The following GPC6 variants were observed in gnomAD, a reference collection of about 807,000 sequenced individuals.
GPC6 encodes the protein glypican-6.
GPC6 carries 14 observed loss-of-function variants against 55.2 expected under a neutral mutation model. The observed-to-expected ratio is 0.25, with a 90% confidence interval of 0.17 to 0.40. The LOEUF is 0.40. GPC6 is among the 10% of genes least tolerant of loss of function. GPC6 has a pLI of 1.00. For synonymous variants in GPC6, 278 were observed against 259.6 expected (o/e 1.07, Z -0.68); for missense variants, 641 against 708.5 (o/e 0.90, Z 1.08).
intron 2 of GPC6, among the ~76,000 whole-genome samples, chr13:93,775,929 G>A (rs1023241118): frequency 6.6e-6 from 1 of 152,114 alleles, no homozygotes; most frequent in African/African-American, 2.4e-5. Context: ...GACCGTTTTT[G>A]TAAGAAAATG....
In GPC6 at chr13:93,940,831, A is replaced by T. The variant is rs182300777; in HGVS notation, c.712-86898A>T. ...AAATATTTATGGAGGAAATAAGAAG[A>T]TGCCTGAGATTTGCTTTAAAATAAT... On this transcript the variant is annotated intron_variant, in intron 3 of 8. Transcript: ENST00000377047. Among the ~76,000 whole-genome samples, 9 of 152,286 alleles carry T rather than the reference A, an allele frequency of 5.9e-5. No individual in the cohort carries two copies. In the East Asian group the frequency reaches 1.7e-3, roughly 29 times the overall value.
intron 6 of GPC6, among the ~76,000 whole-genome samples, chr13:94,359,169 T>C (rs1205289235): frequency 6.6e-6 from 1 of 152,186 alleles, no homozygotes; most frequent in Non-Finnish European, 1.5e-5. Context: ...AAGAAGCAAA[T>C]TGAAAATGCA....
intron 3 of GPC6, among the ~76,000 whole-genome samples, chr13:93,968,916 G>C (rs1455954155): frequency 6.6e-6 from 1 of 152,124 alleles, no homozygotes; most frequent in Non-Finnish European, 1.5e-5. Context: ...AGAAATTTTT[G>C]ATGCTAGATG....
intron 1 of GPC6, among the ~76,000 whole-genome samples, chr13:93,423,368 G>T (rs1168583634): frequency 6.6e-6 from 1 of 152,094 alleles, no homozygotes; most frequent in Non-Finnish European, 1.5e-5. Context: ...GTTTATAAAA[G>T]AAAAAGTCAA....
intron 4 of GPC6, among the ~76,000 whole-genome samples, chr13:94,139,554 C>T (rs117427433): frequency 1.3e-5 from 2 of 152,110 alleles, no homozygotes; most frequent in East Asian, 3.9e-4. Context: ...CATCTAAAGA[C>T]TTGCCTTTAT....
At chr13:94,298,718 C>T (rs1461787482) in intron 5 of GPC6, among the ~76,000 whole-genome samples, 1 of 152,178 alleles carries the variant, frequency 6.6e-6, no homozygotes, top group African/African-American at 2.4e-5. Context: ...CAAAGTTGTC[C>T]ATTTGGCTTT....
intron 2 of GPC6, among the ~76,000 whole-genome samples, chr13:93,824,067 C>G (rs560666530): frequency 7.2e-5 from 11 of 152,080 alleles, no homozygotes; most frequent in Non-Finnish European, 1.5e-4. Flanking sequence ...TAATTTCAAC[C>G]TCAAAATCTA....
intron 3 of GPC6, among the ~76,000 whole-genome samples, chr13:93,933,331 G>C (rs547737422): frequency 4.0e-4 from 61 of 152,188 alleles, no homozygotes; most frequent in African/African-American, 1.4e-3. Flanking sequence ...ACAATGCTGG[G>C]ATAGGCTCCT....
At chr13:93,386,098 T>TA (rs34852109) in intron 1 of GPC6, among the ~76,000 whole-genome samples, 49,257 of 127,394 alleles carry the variant, frequency 0.39, 9,934 homozygotes, top group East Asian at 0.88. Context: ...ACCACTTTGT[T>TA]AAAAAAAAAA....
chr13:94,340,829 G>A (rs992342144), intron 6 of GPC6, among the ~76,000 whole-genome samples: 2 of 152,142 alleles, frequency 1.3e-5, no homozygotes, highest in African/African-American at 2.4e-5. Context: ...TTTGCTGCAC[G>A]GGAATATTTA....
chr13:93,963,631 T>A (rs927296741), intron 3 of GPC6, among the ~76,000 whole-genome samples: 1 of 152,226 alleles, frequency 6.6e-6, no homozygotes, highest in Non-Finnish European at 1.5e-5. Flanking sequence ...CTAAATGGCG[T>A]ATGTTTGTCT....
chr13:94,061,113 A>G (rs969347069), intron 4 of GPC6, among the ~76,000 whole-genome samples: 2 of 152,210 alleles, frequency 1.3e-5, no homozygotes, highest in African/African-American at 2.4e-5. Context: ...GCATATTTAT[A>G]TTACTAGTCT....
intron 6 of GPC6, among the ~76,000 whole-genome samples, chr13:94,307,199 GGGTA>G (rs1424517194): frequency 1.5e-4 from 23 of 152,048 alleles, no homozygotes; most frequent in African/African-American, 4.6e-4. Context: ...CAAAATAAAG[GGGTA>G]ACTAACTGTT....
intron 3 of GPC6, among the ~76,000 whole-genome samples, chr13:93,947,233 G>A (rs1204951808): frequency 6.6e-6 from 1 of 152,156 alleles, no homozygotes; most frequent in East Asian, 1.9e-4. Context: ...TCTTCAATGT[G>A]TAGATTTCAG....
intron 4 of GPC6, among the ~76,000 whole-genome samples, chr13:94,147,499 T>G (rs1887605055): frequency 6.6e-6 from 1 of 152,284 alleles, no homozygotes; most frequent in East Asian, 1.9e-4. Context: ...TGTAGCATTG[T>G]TTTGAAGGTT....
chr13:93,685,488 T>G (rs1038807314), intron 2 of GPC6, among the ~76,000 whole-genome samples: 13 of 152,242 alleles, frequency 8.5e-5, no homozygotes, highest in Admixed American at 7.2e-4. Context: ...ATTGGCATTA[T>G]GGAGCATGAA....
At chr13:94,168,726 T>C (rs1050739493) in intron 4 of GPC6, among the ~76,000 whole-genome samples, 4 of 148,164 alleles carry the variant, frequency 2.7e-5, no homozygotes, top group African/African-American at 7.3e-5. Context: ...AAATATATAT[T>C]ATATATAATT....
intron 4 of GPC6, among the ~76,000 whole-genome samples, chr13:94,267,999 C>T (rs1271639003): frequency 6.6e-6 from 1 of 152,196 alleles, no homozygotes; most frequent in Admixed American, 6.5e-5. Flanking sequence ...AAACAGCTAA[C>T]AGTGGAGAGG....
At chr13:94,015,505 C>A (rs1882427584) in intron 3 of GPC6, among the ~76,000 whole-genome samples, 1 of 152,100 alleles carries the variant, frequency 6.6e-6, no homozygotes, top group African/African-American at 2.4e-5. Flanking sequence ...CTTTGATACA[C>A]AAAAGTTTTC....
Sources: allele counts gnomAD v4.1 joint callset (sites outside exome capture counted in the v4.1 genomes callset), GRCh38; gene constraint gnomAD v4.1.1; transcripts MANE v1.5; gene names NCBI Gene and HGNC (gene_info 2026-07-23, HGNC 2026-07-21).